The following C4orf36 variants were observed in gnomAD, a reference collection of about 807,000 sequenced individuals.
C4orf36 encodes the protein chromosome 4 open reading frame 36.
C4orf36 carries 11 observed loss-of-function variants against 12.2 expected under a neutral mutation model. The ratio of observed to expected loss-of-function variants is 0.90; its 90% CI spans 0.57 to 1.49. C4orf36 has a LOEUF of 1.49. C4orf36 is among the 40% of genes most tolerant of loss of function. The pLI is 0.00. For synonymous variants in C4orf36, 54 were observed against 51.3 expected (o/e 1.05, Z -0.22); for missense variants, 137 against 133.9 (o/e 1.02, Z -0.11).
chr4:86,893,491 CAGG>C (rs1016030471), upstream of C4orf36, among the ~76,000 whole-genome samples: 1 of 151,552 alleles, frequency 6.6e-6, no homozygotes, highest in Non-Finnish European at 1.5e-5. Context: ...GAGGCTCAGA[CAGG>C]AGAATTGCTT....
the C4orf36 span, among the ~76,000 whole-genome samples, chr4:86,899,159 A>G: frequency 2.0e-5 from 3 of 152,144 alleles, no homozygotes; most frequent in Non-Finnish European, 4.4e-5. Flanking sequence ...TGAGGATTTT[A>G]CTCAATTTTT....
At chr4:86,906,019 C>T in the C4orf36 span, among the ~76,000 whole-genome samples, 1 of 152,116 alleles carries the variant, frequency 6.6e-6, no homozygotes, top group Non-Finnish European at 1.5e-5. Context: ...CCGCTCCTGG[C>T]CCTGAGGTTC....
chr4:86,927,297 T>C, the C4orf36 span, among the ~76,000 whole-genome samples: 1 of 152,034 alleles, frequency 6.6e-6, no homozygotes, highest in Non-Finnish European at 1.5e-5. Flanking sequence ...GGTGGGAGAA[T>C]TGCTTGAACC....
the C4orf36 span, among the ~76,000 whole-genome samples, chr4:86,910,304 C>T: frequency 2.0e-5 from 3 of 152,028 alleles, no homozygotes; most frequent in Admixed American, 6.6e-5. Flanking sequence ...CCCAGCTACT[C>T]AGGAGGCTGA....
At chr4:86,893,206 A>G (rs1747496629), upstream of C4orf36, among the ~76,000 whole-genome samples, 1 of 152,218 alleles carries the variant, frequency 6.6e-6, no homozygotes, top group South Asian at 2.1e-4. Flanking sequence ...GAGCCGACGA[A>G]TGAGTTCAGG....
the C4orf36 span, among the ~76,000 whole-genome samples, chr4:86,910,680 G>A: frequency 6.6e-6 from 1 of 152,182 alleles, no homozygotes; most frequent in Non-Finnish European, 1.5e-5. Context: ...GGCATAACCA[G>A]ATTTATGCTT....
chr4:86,917,512 GAAGA>G, the C4orf36 span, among the ~76,000 whole-genome samples: 203 of 146,402 alleles, frequency 1.4e-3, 1 homozygote, highest in Non-Finnish European at 1.4e-3. Context: ...AAGAGAAAAA[GAAGA>G]AAGAAAAGAG....
the C4orf36 span, among the ~76,000 whole-genome samples, chr4:86,920,546 G>T: frequency 6.6e-6 from 1 of 152,308 alleles, no homozygotes; most frequent in East Asian, 1.9e-4. Flanking sequence ...GTAAACAGAA[G>T]AAATTATTTA....
chr4:86,928,478 A>G, the C4orf36 span, among the ~76,000 whole-genome samples: 1 of 152,132 alleles, frequency 6.6e-6, no homozygotes, highest in Non-Finnish European at 1.5e-5. Context: ...CCAGCAAAGA[A>G]GCCCTGAAAA....
chr4:86,887,029 C>T (rs1178286707), intron 4 of C4orf36: 4 of 151,812 alleles, frequency 2.6e-5, no homozygotes, highest in South Asian at 2.1e-4. Context: ...AACCAAACAC[C>T]GCATGTTCTC....
chr4:86,920,494 A>C, the C4orf36 span, among the ~76,000 whole-genome samples: 2 of 152,266 alleles, frequency 1.3e-5, no homozygotes, highest in Non-Finnish European at 2.9e-5. Context: ...GTCTTAATCC[A>C]TTTTGTGCTG....
At chr4:86,886,274 G>A (rs1169053264) in intron 4 of C4orf36, among the ~76,000 whole-genome samples, 3 of 152,098 alleles carry the variant, frequency 2.0e-5, no homozygotes, top group African/African-American at 7.2e-5. Context: ...AGAAGGAATG[G>A]TTAAACTAAA....
the C4orf36 span, among the ~76,000 whole-genome samples, chr4:86,900,796 TG>T: frequency 6.6e-6 from 1 of 152,226 alleles, no homozygotes; most frequent in African/African-American, 2.4e-5. Flanking sequence ...GTCAGATGCA[TG>T]GGCCCTGCTA....
At chr4:86,904,950 T>G in the C4orf36 span, among the ~76,000 whole-genome samples, 1 of 152,064 alleles carries the variant, frequency 6.6e-6, no homozygotes, top group South Asian at 2.1e-4. Context: ...TAAGACTAAA[T>G]GAGGGGCGGT....
the C4orf36 span, among the ~76,000 whole-genome samples, chr4:86,916,177 A>C: frequency 6.6e-6 from 1 of 152,124 alleles, no homozygotes; most frequent in Non-Finnish European, 1.5e-5. Flanking sequence ...ATTTGGTTGG[A>C]TGGTCAAGAA....
chr4:86,914,718 G>T, the C4orf36 span: 1 of 413,104 alleles, frequency 2.4e-6, no homozygotes, highest in Non-Finnish European at 4.7e-6. Context: ...TCTTATAGAT[G>T]TGCACTTGGT....
the C4orf36 span, chr4:86,914,203 A>G: frequency 6.3e-7 from 1 of 1,594,808 alleles, no homozygotes; most frequent in South Asian, 1.1e-5. Context: ...GTAGCTGCAC[A>G]GTTAATTCTC....
Position 86,888,258 on chromosome 4 carries a change from A to G in C4orf36, c.83T>C (p.Ile28Thr). The G allele has an allele frequency of 1.9e-6, 3 of 1,613,978 alleles. No homozygotes were observed. Among genetic ancestry groups the G allele is most frequent in the Non-Finnish European group, 2.5e-6 (3 of 1,179,938 alleles). The change falls in exon 3 of 5, where the codon ATT becomes ACT. Residue 28 changes from isoleucine to threonine, a missense_variant. Transcript: ENST00000295898. Reference protein sequence around the residue: ...SCYNVQEPWDIALLAKTWSTN... With the variant: ...SCYNVQEPWDTALLAKTWSTN... ...GGACCAGGTCTTTGCAAGCAATGCA[A>G]TATCCCAAGGTTCCTGTCTGGGGCA...
the C4orf36 span, among the ~76,000 whole-genome samples, chr4:86,902,782 T>A: frequency 6.6e-6 from 1 of 152,250 alleles, no homozygotes; most frequent in African/African-American, 2.4e-5. Flanking sequence ...TCAGCACTTA[T>A]CACCTTCTAA....
Sources: allele counts gnomAD v4.1 joint callset (sites outside exome capture counted in the v4.1 genomes callset), GRCh38; gene constraint gnomAD v4.1.1; transcripts MANE v1.5; gene names NCBI Gene and HGNC (gene_info 2026-07-23, HGNC 2026-07-21).